Variants in SGIP1 observed in about 807,000 individuals in gnomAD.
The protein encoded by SGIP1 is SH3GL interacting endocytic adaptor 1.
SGIP1 carries 38 observed loss-of-function variants against 107.5 expected under a neutral mutation model. The ratio of observed to expected loss-of-function variants is 0.35; its 90% CI spans 0.27 to 0.46. The LOEUF (loss-of-function observed/expected upper bound fraction) is 0.46, where lower values mean the gene tolerates loss of function less well. Ranked by LOEUF, SGIP1 falls within the 20% of genes least tolerant of loss-of-function variation. The pLI, the probability that SGIP1 is intolerant of heterozygous loss-of-function variation, is 1.00. For missense variants in SGIP1, 929 were observed against 1,019.5 expected (o/e 0.91, Z 1.21); for synonymous variants, 365 against 366.1 (o/e 1.00, Z 0.03).
chr1:66,743,902 T>C lies in SGIP1; in HGVS notation c.*807T>C, dbSNP rs2094519550. 1 of 152,520 alleles carries C rather than the reference T, an allele frequency of 6.6e-6. No individual in the cohort carries two copies. Among genetic ancestry groups the C allele is most frequent in the Non-Finnish European group, 1.5e-5 (1 of 68,000 alleles). 9.4% of individuals were successfully genotyped at this position (152,520 alleles called of 1,614,324 possible). ...TGTTGAAGTCTTAACTACTTGCCCC[T>C]CTCTACAGTTTCGCAAATGTGGGGA... On this transcript the variant is annotated 3_prime_UTR_variant, in exon 25 of 25. Coordinates refer to ENST00000371037, the MANE Select transcript of SGIP1 (RefSeq NM_032291.4).
intron 1 of SGIP1, among the ~76,000 whole-genome samples, chr1:66,601,707 A>G (rs1035061208): frequency 2.0e-5 from 3 of 152,196 alleles, no homozygotes; most frequent in African/African-American, 7.2e-5. Context: ...ATCAAAAGTG[A>G]AGTATTTTAC....
rs1557866025 is a variant in SGIP1 at position 66,750,039 on chromosome 1, GT to G, written c.*6945del. Among the ~76,000 whole-genome samples, 57 of 79,158 alleles carry G rather than the reference GT, an allele frequency of 7.2e-4. No individual in the cohort carries two copies. The highest frequency in any genetic ancestry group is 3.0e-3 in the African/African-American group (54 of 17,772). The allele number at this position is 79,158 out of a possible 152,430, so 51.9% of individuals were successfully genotyped here. On this transcript the variant is annotated 3_prime_UTR_variant, in exon 25 of 25. Coordinates refer to ENST00000371037, the MANE Select transcript of SGIP1 (RefSeq NM_032291.4). ...TCTTTCTCTGTGTGTGTGTGGGGGT[GT>G]GTGTGTGTGTGTGTGTGTGTGTGTG...
intron 14 of SGIP1, among the ~76,000 whole-genome samples, chr1:66,681,347 A>T (rs929896396): frequency 2.0e-5 from 3 of 152,220 alleles, no homozygotes; most frequent in Admixed American, 1.3e-4. Flanking sequence ...AACAAATATT[A>T]TAATCAGTTT....
intron 16 of SGIP1, among the ~76,000 whole-genome samples, chr1:66,689,582 T>C (rs2089345655): frequency 6.6e-6 from 1 of 152,174 alleles, no homozygotes; most frequent in Admixed American, 6.5e-5. Context: ...TTGTCTGATA[T>C]TAGAAAACTC....
chr1:66,684,385 C>T (rs2087674801), intron 15 of SGIP1, among the ~76,000 whole-genome samples: 1 of 152,190 alleles, frequency 6.6e-6, no homozygotes, highest in East Asian at 1.9e-4. Flanking sequence ...TTACAGCATC[C>T]ATCTCCATCC....
intron 19 of SGIP1, 144 bp from the exon 20 acceptor site, chr1:66,729,120 A>G: frequency 2.1e-6 from 2 of 947,182 alleles, no homozygotes; most frequent in Non-Finnish European, 3.1e-6. Context: ...AAGTTAAAGT[A>G]TTTTTTAATG....
rs1197308938 is a variant in SGIP1 at position 66,539,454 on chromosome 1, A to G, written c.10+5086A>G. Among the ~76,000 whole-genome samples the G allele has an allele frequency of 5.9e-5, 9 of 152,236 alleles. 1 individual carries two copies. Among genetic ancestry groups the G allele is most frequent in the Admixed American group, 5.2e-4 (8 of 15,284 alleles). Reference sequence around the variant, plus strand: ...TTGTATGTTGGTTAACTACATCTGCAGGATATTAGAAAGATCTGATATTAG... The same window carrying G: ...TTGTATGTTGGTTAACTACATCTGCGGGATATTAGAAAGATCTGATATTAG... On this transcript the variant is annotated intron_variant, in intron 1 of 24. Coordinates refer to ENST00000371037, the MANE Select transcript of SGIP1 (RefSeq NM_032291.4).
At chr1:66,559,386 T>A (rs144050478) in intron 1 of SGIP1, among the ~76,000 whole-genome samples, 2 of 152,176 alleles carry the variant, frequency 1.3e-5, no homozygotes, top group African/African-American at 4.8e-5. Flanking sequence ...GCTTAACCTA[T>A]CTTATAAATA....
intron 15 of SGIP1, among the ~76,000 whole-genome samples, chr1:66,688,935 G>A (rs1182093993): frequency 6.6e-6 from 1 of 151,364 alleles, no homozygotes; most frequent in Non-Finnish European, 1.5e-5. Flanking sequence ...ACAACAAAAG[G>A]CAATGAGCTT....
chr1:66,585,154 A>G (rs1394470308), intron 1 of SGIP1, among the ~76,000 whole-genome samples: 2 of 151,986 alleles, frequency 1.3e-5, no homozygotes, highest in Non-Finnish European at 2.9e-5. Context: ...ATGATTTTCT[A>G]TCTTGGCTGG....
intron 1 of SGIP1, among the ~76,000 whole-genome samples, chr1:66,622,422 C>G (rs1474157912): frequency 6.6e-6 from 1 of 152,194 alleles, no homozygotes; most frequent in Non-Finnish European, 1.5e-5. Flanking sequence ...ATTTTTGACA[C>G]TATCACTATC....
intron 18 of SGIP1, among the ~76,000 whole-genome samples, chr1:66,702,772 T>C (rs2092080296): frequency 6.6e-6 from 1 of 152,226 alleles, no homozygotes; most frequent in African/African-American, 2.4e-5. Context: ...TTTCTGAATA[T>C]GTCTGTCATA....
At chr1:66,561,525 CTAA>C (rs920922024) in intron 1 of SGIP1, among the ~76,000 whole-genome samples, 2 of 151,982 alleles carry the variant, frequency 1.3e-5, no homozygotes, top group Non-Finnish European at 2.9e-5. Context: ...TAAAAGGGTA[CTAA>C]TAAGTATTCA....
At chr1:66,598,050 A>C in intron 1 of SGIP1, among the ~76,000 whole-genome samples, 1 of 152,306 alleles carries the variant, frequency 6.6e-6, no homozygotes, top group East Asian at 1.9e-4. Context: ...GGGCAAGTAT[A>C]TATTTTTAAA....
intron 2 of SGIP1, among the ~76,000 whole-genome samples, chr1:66,631,857 T>C (rs2074828625): frequency 6.6e-6 from 1 of 152,166 alleles, no homozygotes; most frequent in Non-Finnish European, 1.5e-5. Flanking sequence ...AAGGTTTTCT[T>C]CCAAATAATG....
rs1027304657 is a variant in SGIP1, at chr1:66,638,291, G to A, written c.172-1486G>A. On this transcript the variant is annotated intron_variant, in intron 4 of 24. Transcript: ENST00000371037. ...TAATTTTTATTAAGTGGTACATTAT[G>A]TAATGGACCAGTTCTCAACAGTGGC... Among the ~76,000 whole-genome samples, 101 of 152,142 alleles carry A rather than the reference G, an allele frequency of 6.6e-4. 2 individuals carry two copies. Among genetic ancestry groups the A allele is most frequent in the Admixed American group, 6.4e-3 (97 of 15,262 alleles).
chr1:66,749,318 AC>A lies in SGIP1; in HGVS notation c.*6224del, dbSNP rs1039865636. ...ACTGAATCATGATAGATCAATGTTG[AC>A]AGTATTTTTACATCAGCTTGTCAGA... On this transcript the variant is annotated 3_prime_UTR_variant, in exon 25 of 25. Transcript: ENST00000371037. 4.6e-5 allele frequency among the ~76,000 whole-genome samples: 7 copies of A among 151,996 alleles called. No homozygotes were observed. The highest frequency in any genetic ancestry group is 1.7e-4 in the African/African-American group (7 of 41,438).
intron 7 of SGIP1, among the ~76,000 whole-genome samples, chr1:66,659,845 G>A (rs1032708083): frequency 6.6e-6 from 1 of 150,390 alleles, no homozygotes; most frequent in African/African-American, 2.5e-5. Context: ...AGGAGTTGAG[G>A]GTTTCAGTGA....
At chr1:66,692,725 T>C (rs565128397) in intron 17 of SGIP1, among the ~76,000 whole-genome samples, 1 of 152,354 alleles carries the variant, frequency 6.6e-6, no homozygotes, top group Non-Finnish European at 1.5e-5. Context: ...ACATTTCCTA[T>C]GGTACTTGAA....
Sources: gnomAD v4.1 joint callset for allele counts (sites outside exome capture counted in the v4.1 genomes callset) on GRCh38, gnomAD v4.1.1 for gene constraint, MANE v1.5 for transcripts, NCBI Gene and HGNC (gene_info 2026-07-23, HGNC 2026-07-21) for gene names.